SNTG1: variants seen among roughly 807,000 people sequenced by gnomAD.
SNTG1 encodes the protein gamma-1-syntrophin.
SNTG1 carries 39 observed loss-of-function variants against 74.7 expected under a neutral mutation model. That is an observed-to-expected ratio of 0.52 (90% CI 0.40 to 0.68). SNTG1 has a LOEUF of 0.68. SNTG1 is among the 30% of genes least tolerant of loss of function. The pLI is 0.00. For synonymous variants in SNTG1, 254 were observed against 217.1 expected (o/e 1.17, Z -1.49); for missense variants, 685 against 609.5 (o/e 1.12, Z -1.30).
At chr8:49,938,603 T>TTTTCTTTTTTTTTTTTCTTTTC in intron 1 of SNTG1, among the ~76,000 whole-genome samples, 1 of 74,754 alleles carries the variant, frequency 1.3e-5, no homozygotes, top group African/African-American at 4.5e-5. Flanking sequence ...TTTTCTTTTC[T>TTTTCTTTTTTTTTTTTCTTTTC]TTTCTTTCTT....
At chr8:50,476,946 C>A (rs146130880) in intron 8 of SNTG1, among the ~76,000 whole-genome samples, 111 of 151,718 alleles carry the variant, frequency 7.3e-4, no homozygotes, top group African/African-American at 2.4e-3. Flanking sequence ...AAGGAGCCAA[C>A]TGAAAGAGGC....
At chr8:50,292,236 G>T (rs574785298) in intron 2 of SNTG1, among the ~76,000 whole-genome samples, 2 of 152,224 alleles carry the variant, frequency 1.3e-5, no homozygotes, top group African/African-American at 4.8e-5. Context: ...AAGACAGGGT[G>T]TTCCAGGTTG....
chr8:50,029,954 C>T (rs1395520560), intron 1 of SNTG1, among the ~76,000 whole-genome samples: 2 of 152,232 alleles, frequency 1.3e-5, no homozygotes, highest in East Asian at 3.9e-4. Context: ...TACTAATCTA[C>T]ATTCCCATCA....
chr8:50,238,036 G>A (rs1048783428), intron 2 of SNTG1, among the ~76,000 whole-genome samples: 2 of 152,030 alleles, frequency 1.3e-5, no homozygotes, highest in African/African-American at 4.8e-5. Flanking sequence ...ATATGCATAG[G>A]AGGAATCAAT....
chr8:50,595,717 A>G (rs1329746403), intron 13 of SNTG1, among the ~76,000 whole-genome samples: 1 of 152,042 alleles, frequency 6.6e-6, no homozygotes, highest in Non-Finnish European at 1.5e-5. Flanking sequence ...TATAAATGGG[A>G]TCATACTGTA....
In SNTG1 at chr8:50,570,585, A is replaced by ATTGTTGTTG. The variant is rs151244285; in HGVS notation, c.810+17414_810+17415insGTTGTTGTT. 8.8e-3 allele frequency among the ~76,000 whole-genome samples: 1,118 copies of ATTGTTGTTG among 127,078 alleles called. 10 individuals carry two copies. Among genetic ancestry groups the ATTGTTGTTG allele is most frequent in the Middle Eastern group, 0.033 (8 of 242 alleles). The allele number at this position is 127,078 out of a possible 152,430, so 83.4% of individuals were successfully genotyped here. Reference sequence around the variant, plus strand: ...ATTTTTTATTATTATTATTATTATTATTGTTGTTATTATTATTATTATTAT... The same window carrying ATTGTTGTTG: ...ATTTTTTATTATTATTATTATTATTATTGTTGTTGTTGTTGTTATTATTATTATTATTAT... On this transcript the variant is annotated intron_variant, in intron 12 of 18. Coordinates refer to ENST00000642720, the MANE Select transcript of SNTG1 (RefSeq NM_018967.5).
At chr8:49,912,588 T>C (rs1408894283) in intron 1 of SNTG1, among the ~76,000 whole-genome samples, 2 of 152,242 alleles carry the variant, frequency 1.3e-5, no homozygotes, top group East Asian at 3.8e-4. Flanking sequence ...TGTTACATAG[T>C]ATGCAAGACT....
rs192179923 is a variant in SNTG1, at chr8:50,127,927, C to A, written c.-102-44634C>A. ...CTGCATTAAACATGCCTTTTAATATCACTTCTGTATTCAATAGGTGGCTTT... is the reference window on the plus strand; with the variant it reads ...CTGCATTAAACATGCCTTTTAATATAACTTCTGTATTCAATAGGTGGCTTT... On this transcript the variant is annotated intron_variant, in intron 1 of 18. Transcript: ENST00000642720. 1.6e-4 allele frequency among the ~76,000 whole-genome samples: 25 copies of A among 152,250 alleles called. No individual in the cohort carries two copies. The East Asian group carries it at 3.5e-3, about 21-fold the overall frequency.
intron 2 of SNTG1, among the ~76,000 whole-genome samples, chr8:50,363,639 G>A (rs1274406454): frequency 1.3e-5 from 2 of 152,156 alleles, no homozygotes. Flanking sequence ...TTAAGCATGT[G>A]ACATCTTTTT....
At chr8:50,029,291 T>C (rs1032549888) in intron 1 of SNTG1, among the ~76,000 whole-genome samples, 2 of 152,198 alleles carry the variant, frequency 1.3e-5, no homozygotes, top group African/African-American at 4.8e-5. Context: ...CAATGGGTAA[T>C]AATCACAGTG....
chr8:50,401,628 T>A (rs2092806963), intron 3 of SNTG1, among the ~76,000 whole-genome samples: 1 of 152,154 alleles, frequency 6.6e-6, no homozygotes, highest in Non-Finnish European at 1.5e-5. Context: ...TTCATGCAAG[T>A]CTGTGCATGT....
chr8:50,567,310 T>G (rs915809808), intron 12 of SNTG1, among the ~76,000 whole-genome samples: 3 of 152,134 alleles, frequency 2.0e-5, no homozygotes, highest in Non-Finnish European at 4.4e-5. Context: ...ACTGGAATAC[T>G]GAAATTAATA....
At chr8:50,287,844 T>C (rs2088870872) in intron 2 of SNTG1, among the ~76,000 whole-genome samples, 1 of 152,146 alleles carries the variant, frequency 6.6e-6, no homozygotes, top group African/African-American at 2.4e-5. Flanking sequence ...AAATACTTTA[T>C]ACAACTTTAC....
chr8:50,326,582 T>A (rs922941519), intron 2 of SNTG1, among the ~76,000 whole-genome samples: 1 of 132,378 alleles, frequency 7.6e-6, no homozygotes, highest in African/African-American at 2.8e-5. Flanking sequence ...TCTTGTCTCT[T>A]TTTTTTTATT....
intron 13 of SNTG1, among the ~76,000 whole-genome samples, chr8:50,620,108 T>A (rs1426241470): frequency 6.6e-6 from 1 of 152,122 alleles, no homozygotes; most frequent in Non-Finnish European, 1.5e-5. Context: ...GGGAGACTTG[T>A]TTCCTAGCTT....
At chr8:50,552,901 A>G (rs1398739058) in intron 11 of SNTG1, 149 bp from the exon 12 acceptor site, 12 of 856,392 alleles carry the variant, frequency 1.4e-5, no homozygotes, top group Non-Finnish European at 2.1e-5. Flanking sequence ...TTTAAAACAG[A>G]GATGCTTATA....
chr8:49,999,036 G>A (rs547757527), intron 1 of SNTG1, among the ~76,000 whole-genome samples: 21 of 152,196 alleles, frequency 1.4e-4, no homozygotes, highest in African/African-American at 3.6e-4. Flanking sequence ...GTCACCAGGC[G>A]AATGGAAGTG....
chr8:50,630,417 G>T (rs2094988800), intron 13 of SNTG1, among the ~76,000 whole-genome samples: 1 of 152,094 alleles, frequency 6.6e-6, no homozygotes, highest in African/African-American at 2.4e-5. Context: ...CAAGGGTTTT[G>T]GGGTTATGCC....
chr8:50,568,448 A>G (rs1191163898), intron 12 of SNTG1, among the ~76,000 whole-genome samples: 1 of 152,080 alleles, frequency 6.6e-6, no homozygotes, highest in East Asian at 1.9e-4. Flanking sequence ...GTACACTCCC[A>G]CCACTGGTGT....
Sources: allele counts gnomAD v4.1 joint callset (sites outside exome capture counted in the v4.1 genomes callset), GRCh38; gene constraint gnomAD v4.1.1; transcripts MANE v1.5; gene names NCBI Gene and HGNC (gene_info 2026-07-23, HGNC 2026-07-21).